ZNF662: variants seen among roughly 807,000 people sequenced by gnomAD.
ZNF662 encodes zinc finger protein 662.
In ZNF662, 14 loss-of-function variants were observed where a neutral mutation model predicts 12.4. The observed-to-expected ratio is 1.13, with a 90% CI of 0.75 to 1.77. ZNF662 has a LOEUF of 1.77. Ranked by LOEUF, ZNF662 falls within the 40% of genes most tolerant of loss-of-function variation. ZNF662 has a pLI of 0.00. For missense variants in ZNF662, 550 were observed against 515.6 expected (o/e 1.07, Z -0.65); for synonymous variants, 184 against 176.4 (o/e 1.04, Z -0.34).
chr3:42,906,365 C>T lies in ZNF662; in HGVS notation c.-94+197C>T. ...GCGACCTGGGCTATGGCGGCCGTGG[C>T]GCTGGCGAGCGGGACACGCCTCGGC... On this transcript the variant is annotated intron_variant, in intron 1 of 4. Transcript: ENST00000440367. This position sits in a 1 kb window ranked among gnomAD's most constrained non-coding sequence, Gnocchi z 4.4. The T allele has an allele frequency of 1.3e-6, 2 of 1,527,020 alleles. No individual in the cohort carries two copies. Among genetic ancestry groups the T allele is most frequent in the Non-Finnish European group, 8.8e-7 (1 of 1,141,936 alleles). The allele number at this position is 1,527,020 out of a possible 1,614,324, so 94.6% of individuals were successfully genotyped here.
At chr3:42,913,884 A>G (rs1313916171) in intron 4 of ZNF662, among the ~76,000 whole-genome samples, 1 of 152,104 alleles carries the variant, frequency 6.6e-6, no homozygotes, top group Non-Finnish European at 1.5e-5. Flanking sequence ...GTTGAAAAGT[A>G]TGAGGAAGCT....
Position 42,915,080 on chromosome 3 carries a change from A to G in ZNF662, c.1007A>G (p.Asp336Gly). 1.2e-6 allele frequency: 2 copies of G among 1,614,222 alleles called. No homozygotes were observed. Among genetic ancestry groups the G allele is most frequent in the Non-Finnish European group, 1.7e-6 (2 of 1,180,034 alleles). Reference sequence around the variant, plus strand: ...GGGGAGAAGCCTTACGAATGTAAGGACTGTGGGAAGGGCTTCATGTGGAAC... The same window carrying G: ...GGGGAGAAGCCTTACGAATGTAAGGGCTGTGGGAAGGGCTTCATGTGGAAC... ...HTGEKPYECK[D>G]CGKGFMWNSD... The change falls in exon 5 of 5, where the codon GAC becomes GGC. Residue 336 changes from aspartate to glycine, a missense_variant. Physicochemically the swap from Asp to Gly is moderately conservative, Grantham distance 94. Transcript: ENST00000440367.
chr3:42,913,156 A>G, intron 3 of ZNF662, 45 bp from the exon 4 acceptor site: 1 of 1,423,286 alleles, frequency 7.0e-7, no homozygotes, highest in Middle Eastern at 1.8e-4. Context: ...GATGGGCCTC[A>G]CTCTTCTGAC....
rs773325864 is a variant in ZNF662 at position 42,917,645 on chromosome 3, AGAGTT to A, written c.*2297_*2301del. The stretch of plus-strand genomic sequence containing the variant: ...CCAATAAACATCTGTCAAACGAGTT[AGAGTT>A]GAGTTTTCTGTTATTTGCAACTTAG... On this transcript the variant is annotated 3_prime_UTR_variant, in exon 5 of 5. Transcript: ENST00000440367. 1 of 673,278 alleles carries A rather than the reference AGAGTT, an allele frequency of 1.5e-6. No homozygotes were observed. The highest frequency in any genetic ancestry group is 2.4e-5 in the Admixed American group (1 of 41,398). 41.7% of individuals were successfully genotyped at this position (673,278 alleles called of 1,614,324 possible).
In ZNF662 at chr3:42,919,027, A is replaced by G. The variant is rs2088923461; in HGVS notation, c.*3673A>G. On this transcript the variant is annotated 3_prime_UTR_variant, in exon 5 of 5. Coordinates refer to ENST00000440367, the MANE Select transcript of ZNF662 (RefSeq NM_207404.4). ...AAAAAGAAACCTCCAGGTTATGGGC[A>G]CCTTATTTAGTCTAATCATCTGGCA... Among the ~76,000 whole-genome samples the G allele has an allele frequency of 6.6e-6, 1 of 152,140 alleles. No homozygotes were observed. Among genetic ancestry groups the G allele is most frequent in the Non-Finnish European group, 1.5e-5 (1 of 68,020 alleles).
In ZNF662 at chr3:42,906,448, G is replaced by C. The variant is rs543161860; in HGVS notation, c.-94+280G>C. 3 of 1,441,318 alleles carry C rather than the reference G, an allele frequency of 2.1e-6. No homozygotes were observed. The highest frequency in any genetic ancestry group is 1.4e-5 in the South Asian group (1 of 70,548). 89.3% of individuals were successfully genotyped at this position (1,441,318 alleles called of 1,614,324 possible). ...GCTGCCCCGGGCGCGCCGGGTGAGT[G>C]CGGGGCCGGAGCCTGGAAGCAGTCT... On this transcript the variant is annotated intron_variant, in intron 1 of 4. Coordinates refer to ENST00000440367, the MANE Select transcript of ZNF662 (RefSeq NM_207404.4). The surrounding 1 kb of genome is among the most constrained non-coding windows in gnomAD (Gnocchi z 4.4).
At position 42,906,657 on chromosome 3, in the gene ZNF662, GCA is replaced by G. The variant is rs542090840; in HGVS notation, c.-94+492_-94+493del. 1.2e-3 allele frequency among the ~76,000 whole-genome samples: 188 copies of G among 152,338 alleles called. No individual in the cohort carries two copies. Among genetic ancestry groups the G allele is most frequent in the Admixed American group, 2.4e-3 (36 of 15,310 alleles). Reference sequence around the variant, plus strand: ...GTTGAGCCGACTGCTGGGGCAGAGCGCACAGAGTGCTGTCGGGGGCGATGAAT... The same window carrying G: ...GTTGAGCCGACTGCTGGGGCAGAGCGCAGAGTGCTGTCGGGGGCGATGAAT... On this transcript the variant is annotated intron_variant, in intron 1 of 4. Coordinates refer to ENST00000440367, the MANE Select transcript of ZNF662 (RefSeq NM_207404.4). The surrounding 1 kb of genome is among the most constrained non-coding windows in gnomAD (Gnocchi z 4.4).
chr3:42,914,304 G>A (rs1350839470), intron 4 of ZNF662, 23 bp from the exon 5 acceptor site: 1 of 1,564,016 alleles, frequency 6.4e-7, no homozygotes, highest in African/African-American at 1.4e-5. Flanking sequence ...GATGACATTT[G>A]AAGCTCCAAT....
At position 42,912,452 on chromosome 3, in the gene ZNF662, T is replaced by C. The variant is rs1292091066; in HGVS notation, c.152-749T>C. On this transcript the variant is annotated intron_variant, in intron 3 of 4. Transcript: ENST00000440367. ...ATATATAATATTTTTGTATATTATA[T>C]ATTATATGTTATAATATATATTTTT... 1.5e-4 allele frequency among the ~76,000 whole-genome samples: 13 copies of C among 86,868 alleles called. 1 individual carries two copies. The highest frequency in any genetic ancestry group is 2.4e-4 in the Non-Finnish European group (12 of 50,126). 57.0% of individuals were successfully genotyped at this position (86,868 alleles called of 152,430 possible).
rs945899091 is a variant in ZNF662 at position 42,915,981 on chromosome 3, C to CT, written c.*628dup. 6.6e-6 allele frequency: 1 copy of CT among 152,058 alleles called. No individual in the cohort carries two copies. Among genetic ancestry groups the CT allele is most frequent in the African/African-American group, 2.4e-5 (1 of 41,414 alleles). 9.4% of individuals were successfully genotyped at this position (152,058 alleles called of 1,614,324 possible). On this transcript the variant is annotated 3_prime_UTR_variant, in exon 5 of 5. Transcript: ENST00000440367. ...TAATCTTAACCCCAGCTAAATGACT[C>CT]TGAGGACCAACAGTACATTTCTTTT...
chr3:42,912,932 G>A (rs1237647416), intron 3 of ZNF662, among the ~76,000 whole-genome samples: 1 of 150,178 alleles, frequency 6.7e-6, no homozygotes, highest in Non-Finnish European at 1.5e-5. Flanking sequence ...TAATGGAGAT[G>A]GGGTTTCACC....
At chr3:42,910,961 A>C (rs1410155607) in intron 3 of ZNF662, among the ~76,000 whole-genome samples, 1 of 152,194 alleles carries the variant, frequency 6.6e-6, no homozygotes, top group African/African-American at 2.4e-5. Flanking sequence ...GATCAGAACT[A>C]CATTCTCTGC....
chr3:42,908,719 C>T (rs2088720717), intron 2 of ZNF662, 74 bp from the exon 3 acceptor site: 3 of 1,526,616 alleles, frequency 2.0e-6, no homozygotes, highest in Non-Finnish European at 2.7e-6. Flanking sequence ...CCTGAAGACA[C>T]TGGCCTGGGA....
intron 4 of ZNF662, 89 bp from the exon 5 acceptor site, chr3:42,914,238 G>A (rs1053043962): frequency 2.5e-6 from 3 of 1,186,688 alleles, no homozygotes; most frequent in African/African-American, 3.1e-5. Flanking sequence ...GGCACTTGGA[G>A]AGAAGTGGAC....
At chr3:42,912,738 T>TATATATATATATTTTTTATATATATAA (rs1559381645) in intron 3 of ZNF662, among the ~76,000 whole-genome samples, 15 of 117,576 alleles carry the variant, frequency 1.3e-4, no homozygotes, top group Non-Finnish European at 2.3e-4. Context: ...TATATATAAA[T>TATATATATATATTTTTTATATATATAA]ATATATATAT....
In ZNF662 at chr3:42,918,004, G is replaced by A. The variant is rs553500120; in HGVS notation, c.*2650G>A. Among the ~76,000 whole-genome samples, 1 of 152,248 alleles carries A rather than the reference G, an allele frequency of 6.6e-6. No homozygotes were observed. The highest frequency in any genetic ancestry group is 1.5e-5 in the Non-Finnish European group (1 of 68,052). ...GCCAGTAATCTCAGCTACTCAGGAGGCTGAGGCAGGAGAATTGCTTGAATC... is the reference window on the plus strand; with the variant it reads ...GCCAGTAATCTCAGCTACTCAGGAGACTGAGGCAGGAGAATTGCTTGAATC... On this transcript the variant is annotated 3_prime_UTR_variant, in exon 5 of 5. Coordinates refer to ENST00000440367, the MANE Select transcript of ZNF662 (RefSeq NM_207404.4).
chr3:42,912,834 G>T (rs1384347507), intron 3 of ZNF662, among the ~76,000 whole-genome samples: 2 of 147,110 alleles, frequency 1.4e-5, no homozygotes, highest in Non-Finnish European at 3.0e-5. Flanking sequence ...CTGCCTCCCG[G>T]GTTCAAGCGA....
rs1369169543 is a variant in ZNF662 at position 42,906,655 on chromosome 3, G to A, written c.-94+487G>A. 1.3e-5 allele frequency among the ~76,000 whole-genome samples: 2 copies of A among 152,248 alleles called. No homozygotes were observed. Among genetic ancestry groups the A allele is most frequent in the Non-Finnish European group, 1.5e-5 (1 of 68,042 alleles). On this transcript the variant is annotated intron_variant, in intron 1 of 4. Transcript: ENST00000440367. The surrounding 1 kb of genome is among the most constrained non-coding windows in gnomAD (Gnocchi z 4.4). ...GGGTTGAGCCGACTGCTGGGGCAGA[G>A]CGCACAGAGTGCTGTCGGGGGCGAT...
chr3:42,908,579 A>T lies in ZNF662; in HGVS notation c.35-214A>T, dbSNP rs151039270. On this transcript the variant is annotated intron_variant, in intron 2 of 4. Coordinates refer to ENST00000440367, the MANE Select transcript of ZNF662 (RefSeq NM_207404.4). ...AATGAGTGAAATCATCCATTTGCTG[A>T]CTCAAACAGTTACTGAGTCGTCTGT... 4.4e-4 allele frequency: 606 copies of T among 1,387,622 alleles called. 3 individuals carry two copies. In the African/African-American group the frequency reaches 8.1e-3, roughly 18 times the overall value. 86.0% of individuals were successfully genotyped at this position (1,387,622 alleles called of 1,614,324 possible).
Sources: allele counts gnomAD v4.1 joint callset (sites outside exome capture counted in the v4.1 genomes callset), GRCh38; gene constraint gnomAD v4.1.1; non-coding constraint Gnocchi (gnomAD v3.1); transcripts MANE v1.5; gene names NCBI Gene and HGNC (gene_info 2026-07-23, HGNC 2026-07-21).